CDKAL1: variants seen among roughly 807,000 people sequenced by gnomAD.
CDKAL1 encodes threonylcarbamoyladenosine tRNA methylthiotransferase.
CDKAL1 carries 32 observed loss-of-function variants against 68.2 expected under a neutral mutation model. The ratio of observed to expected loss-of-function variants is 0.47; its 90% CI spans 0.35 to 0.63. The LOEUF (loss-of-function observed/expected upper bound fraction) is 0.63, where lower values mean the gene tolerates loss of function less well. CDKAL1 is among the 30% of genes least tolerant of loss of function. The pLI is 0.00. For synonymous variants in CDKAL1, 234 were observed against 244.3 expected, an observed-to-expected ratio of 0.96 and a Z score of 0.39; for missense variants, 606 against 696.7, an observed-to-expected ratio of 0.87 and a Z score of 1.47.
In CDKAL1 at chr6:20,925,829, A is replaced by C. The variant is rs191392479; in HGVS notation, c.743-29590A>C. On this transcript the variant is annotated intron_variant, in intron 9 of 15. Transcript: ENST00000274695. ...TACAGAGTACTGTGACATTTTCAAC[A>C]CTATTATCAATTTTGTTCCTCTCTT... 3.3e-5 allele frequency among the ~76,000 whole-genome samples: 5 copies of C among 152,242 alleles called. No individual in the cohort carries two copies. The East Asian group carries it at 9.6e-4, about 29-fold the overall frequency.
At chr6:20,719,869 C>G (rs988799677) in intron 5 of CDKAL1, among the ~76,000 whole-genome samples, 1 of 152,168 alleles carries the variant, frequency 6.6e-6, no homozygotes, top group South Asian at 2.1e-4. Context: ...TTCCTTATGG[C>G]TTTTTCCCCT....
At chr6:21,100,315 A>G (rs1773520559) in intron 12 of CDKAL1, among the ~76,000 whole-genome samples, 1 of 152,122 alleles carries the variant, frequency 6.6e-6, no homozygotes, top group Non-Finnish European at 1.5e-5. Context: ...TCACTTACCT[A>G]TTTTCTAACT....
chr6:20,915,168 C>CA (rs68091041), intron 9 of CDKAL1, among the ~76,000 whole-genome samples: 217 of 138,586 alleles, frequency 1.6e-3, no homozygotes, highest in African/African-American at 3.8e-3. Flanking sequence ...TATATAATGG[C>CA]AAAAAAAAAA....
At chr6:20,866,332 A>G (rs1487335922) in intron 9 of CDKAL1, among the ~76,000 whole-genome samples, 1 of 152,206 alleles carries the variant, frequency 6.6e-6, no homozygotes, top group African/African-American at 2.4e-5. Context: ...GGCCCAAGAA[A>G]AAAGAAAAGA....
intron 12 of CDKAL1, among the ~76,000 whole-genome samples, chr6:21,092,931 C>CAA (rs1326684015): frequency 2.4e-4 from 30 of 122,606 alleles, no homozygotes; most frequent in African/African-American, 8.4e-4. Context: ...AAAGTAGAAC[C>CAA]AAAAAAAAAA....
At chr6:20,955,639 A>G in intron 10 of CDKAL1, 54 bp downstream of exon 10, 1 of 1,509,504 alleles carries the variant, frequency 6.6e-7, no homozygotes, top group Non-Finnish European at 9.1e-7. Context: ...CAGTCCAGAC[A>G]GTGTGGCAGC....
At chr6:21,144,420 C>T (rs1246479133) in intron 13 of CDKAL1, among the ~76,000 whole-genome samples, 1 of 152,076 alleles carries the variant, frequency 6.6e-6, no homozygotes, top group African/African-American at 2.4e-5. Context: ...CAGCGGAGTG[C>T]AGTTTCATAT....
intron 13 of CDKAL1, among the ~76,000 whole-genome samples, chr6:21,118,237 A>G (rs532469741): frequency 1.3e-5 from 2 of 152,320 alleles, no homozygotes; most frequent in Non-Finnish European, 2.9e-5. Flanking sequence ...CTGATGCTTT[A>G]AACAAGGAAT....
chr6:20,826,802 T>C (rs191138287), intron 8 of CDKAL1, among the ~76,000 whole-genome samples: 1 of 152,330 alleles, frequency 6.6e-6, no homozygotes, highest in Admixed American at 6.5e-5. Context: ...TATAGATTTA[T>C]GTATTTACTT....
chr6:20,567,518 C>A (rs550365952), intron 4 of CDKAL1, among the ~76,000 whole-genome samples: 1 of 151,902 alleles, frequency 6.6e-6, no homozygotes, highest in African/African-American at 2.4e-5. Flanking sequence ...TGATGGAGAG[C>A]GTGAGTTAGG....
At chr6:21,205,514 C>T (rs542230494) in intron 15 of CDKAL1, among the ~76,000 whole-genome samples, 8 of 150,148 alleles carry the variant, frequency 5.3e-5, no homozygotes, top group African/African-American at 7.5e-5. Flanking sequence ...CATCCTAATC[C>T]GCATGGGTCA....
chr6:20,949,688 A>G (rs897407432), intron 9 of CDKAL1, among the ~76,000 whole-genome samples: 3 of 152,050 alleles, frequency 2.0e-5, no homozygotes, highest in Non-Finnish European at 4.4e-5. Context: ...CAGGGAAGAC[A>G]AACCAATAAT....
At chr6:21,134,448 GT>G (rs887506826) in intron 13 of CDKAL1, among the ~76,000 whole-genome samples, 23 of 152,144 alleles carry the variant, frequency 1.5e-4, no homozygotes, top group African/African-American at 5.3e-4. Context: ...TATTAATTAT[GT>G]TTTGTCATAA....
At chr6:20,913,240 A>T (rs1762554162) in intron 9 of CDKAL1, among the ~76,000 whole-genome samples, 2 of 151,762 alleles carry the variant, frequency 1.3e-5, no homozygotes, top group South Asian at 4.2e-4. Flanking sequence ...GCTTACCTCT[A>T]CTCAGGGTCT....
chr6:20,817,221 C>T (rs770306993), intron 8 of CDKAL1, among the ~76,000 whole-genome samples: 1 of 152,014 alleles, frequency 6.6e-6, no homozygotes, highest in Non-Finnish European at 1.5e-5. Context: ...AATATACGTA[C>T]CTGCAGGCTC....
chr6:21,084,123 C>T (rs564690710), intron 12 of CDKAL1, among the ~76,000 whole-genome samples: 44 of 152,226 alleles, frequency 2.9e-4, no homozygotes, highest in Non-Finnish European at 4.0e-4. Context: ...ACTCAAAACT[C>T]TCAGTGGTTT....
At chr6:20,847,867 ATT>A (rs1778433468) in intron 9 of CDKAL1, among the ~76,000 whole-genome samples, 1 of 152,224 alleles carries the variant, frequency 6.6e-6, no homozygotes, top group East Asian at 1.9e-4. Context: ...AAAAGCAGAG[ATT>A]TATTGAGAAT....
At chr6:21,108,774 G>A (rs1773978116) in intron 13 of CDKAL1, among the ~76,000 whole-genome samples, 1 of 152,218 alleles carries the variant, frequency 6.6e-6, no homozygotes, top group Non-Finnish European at 1.5e-5. Context: ...ACACTGTACT[G>A]GAGGAACTTG....
rs932634585 is a variant in CDKAL1, at chr6:20,544,336, G to A, written c.-5-2010G>A. Reference sequence around the variant, plus strand: ...GACCAGGCCGGGCGCAGTGGCTCACGCCTGTAATCCCAGCACTTTGGGAGG... The same window carrying A: ...GACCAGGCCGGGCGCAGTGGCTCACACCTGTAATCCCAGCACTTTGGGAGG... On this transcript the variant is annotated intron_variant, in intron 2 of 15. Transcript: ENST00000274695. Among the ~76,000 whole-genome samples, 5 of 150,816 alleles carry A rather than the reference G, an allele frequency of 3.3e-5. No homozygotes were observed. In the South Asian group the frequency reaches 6.3e-4, roughly 19 times the overall value.
Sources: allele counts gnomAD v4.1 joint callset (sites outside exome capture counted in the v4.1 genomes callset), GRCh38; gene constraint gnomAD v4.1.1; transcripts MANE v1.5; gene names NCBI Gene and HGNC (gene_info 2026-07-23, HGNC 2026-07-21).